Variants in CCDC38 observed in about 807,000 individuals in gnomAD.
CCDC38 encodes coiled-coil domain-containing protein 38.
Under a neutral mutation model 72.8 loss-of-function variants are expected in CCDC38, and 69 were observed. The ratio of observed to expected loss-of-function variants is 0.95; its 90% CI spans 0.78 to 1.16. CCDC38 has a LOEUF of 1.16. Among genes scored for constraint, CCDC38 ranks in the 50% most tolerant of loss-of-function variants. The pLI is 0.00. For missense variants in CCDC38, 626 were observed against 638.9 expected, an observed-to-expected ratio of 0.98 and a Z score of 0.22; for synonymous variants, 201 against 213.2, an observed-to-expected ratio of 0.94 and a Z score of 0.50.
chr12:95,900,191 CAA>C (rs1168449410), intron 5 of CCDC38, among the ~76,000 whole-genome samples: 2 of 152,142 alleles, frequency 1.3e-5, no homozygotes, highest in African/African-American at 4.8e-5. Flanking sequence ...CCAGGAACAG[CAA>C]AGAGACCACC....
At chr12:95,916,328 A>T (rs2080142860) in intron 4 of CCDC38, among the ~76,000 whole-genome samples, 2 of 151,896 alleles carry the variant, frequency 1.3e-5, no homozygotes, top group Admixed American at 1.3e-4. Context: ...ACAGTTTGAG[A>T]AAGTGCATGG....
chr12:95,942,961 C>G (rs1039976392), upstream of CCDC38: 2 of 156,524 alleles, frequency 1.3e-5, no homozygotes, highest in South Asian at 1.9e-4. Context: ...CCATGGCCCC[C>G]CTTCCGGGGC....
At chr12:95,868,754 G>T (rs2079550029) in intron 15 of CCDC38, among the ~76,000 whole-genome samples, 1 of 151,566 alleles carries the variant, frequency 6.6e-6, no homozygotes, top group Non-Finnish European at 1.5e-5. Flanking sequence ...TCCTTACCCT[G>T]TGTAGAATTG....
chr12:95,878,376 C>T (rs1221136055), intron 12 of CCDC38, 30 bp from the exon 13 acceptor site: 5 of 1,600,830 alleles, frequency 3.1e-6, no homozygotes, highest in Non-Finnish European at 4.3e-6. Context: ...AGACCCTCAT[C>T]TGAAATTTGT....
chr12:95,898,168 C>T (rs1458927781), intron 7 of CCDC38, among the ~76,000 whole-genome samples: 1 of 152,164 alleles, frequency 6.6e-6, no homozygotes, highest in East Asian at 1.9e-4. Flanking sequence ...TCTGTATCTA[C>T]AAGTTAGAGA....
intron 2 of CCDC38, chr12:95,935,272 G>A (rs1204486091): frequency 2.6e-5 from 4 of 152,510 alleles, no homozygotes; most frequent in Non-Finnish European, 5.9e-5. Flanking sequence ...TCTTCTATAG[G>A]AATAGAACCC....
At chr12:95,937,750 G>A (rs2080409017) in intron 1 of CCDC38, among the ~76,000 whole-genome samples, 1 of 152,076 alleles carries the variant, frequency 6.6e-6, no homozygotes, top group Non-Finnish European at 1.5e-5. Context: ...ATCTTGGTTT[G>A]GTATTTACTT....
chr12:95,912,425 G>A (rs2080103665), intron 4 of CCDC38, among the ~76,000 whole-genome samples: 1 of 152,114 alleles, frequency 6.6e-6, no homozygotes, highest in African/African-American at 2.4e-5. Context: ...CCTCATAGAA[G>A]TAGAGAGTAG....
chr12:95,938,875 C>A (rs2080420540), intron 1 of CCDC38, among the ~76,000 whole-genome samples: 2 of 152,170 alleles, frequency 1.3e-5, no homozygotes, highest in South Asian at 4.1e-4. Flanking sequence ...ATAGCAAATG[C>A]CTGAAAGTTC....
intron 2 of CCDC38, among the ~76,000 whole-genome samples, chr12:95,932,726 A>T (rs1320483580): frequency 2.6e-5 from 4 of 152,240 alleles, no homozygotes; most frequent in African/African-American, 9.6e-5. Context: ...ATTCACAGTA[A>T]TATAAGTACA....
chr12:95,901,589 C>G (rs1331094940), intron 5 of CCDC38, among the ~76,000 whole-genome samples: 1 of 152,068 alleles, frequency 6.6e-6, no homozygotes, highest in African/African-American at 2.4e-5. Context: ...AAGAGGAGAA[C>G]AAGCACATAA....
chr12:95,925,631 G>A (rs1419701294), intron 2 of CCDC38, among the ~76,000 whole-genome samples: 2 of 152,146 alleles, frequency 1.3e-5, no homozygotes, highest in Non-Finnish European at 2.9e-5. Flanking sequence ...TTTTCAAAGG[G>A]AATGCTTCCA....
At chr12:95,928,648 T>C (rs1273426826) in intron 2 of CCDC38, among the ~76,000 whole-genome samples, 1 of 152,166 alleles carries the variant, frequency 6.6e-6, no homozygotes, top group African/African-American at 2.4e-5. Flanking sequence ...TTCTGTTCTG[T>C]TTTTTCCCCA....
intron 5 of CCDC38, among the ~76,000 whole-genome samples, chr12:95,899,790 A>G (rs753183567): frequency 1.3e-5 from 2 of 152,198 alleles, no homozygotes; most frequent in African/African-American, 2.4e-5. Flanking sequence ...CTGAGTGCCT[A>G]CTGTGTGCCA....
At chr12:95,925,155 A>C (rs1355556062) in intron 2 of CCDC38, among the ~76,000 whole-genome samples, 6 of 152,018 alleles carry the variant, frequency 3.9e-5, no homozygotes, top group Non-Finnish European at 8.8e-5. Flanking sequence ...CACGATATTG[A>C]TTCTTCCTAT....
chr12:95,918,291 T>C (rs60364582), intron 3 of CCDC38, among the ~76,000 whole-genome samples: 28,884 of 152,114 alleles, frequency 0.19, 2,991 homozygotes, highest in African/African-American at 0.27. Context: ...CCCCCTCCTC[T>C]ACTTTCATCC....
intron 2 of CCDC38, chr12:95,935,598 C>A: frequency 4.3e-6 from 1 of 233,374 alleles, no homozygotes; most frequent in Admixed American, 4.8e-5. Context: ...TGCAGCCAAA[C>A]TTTTACATTG....
At position 95,880,650 on chromosome 12, in the gene CCDC38, T is replaced by C. The variant is rs1293527066; in HGVS notation, c.990+835A>G. ...CCTGGGCAACAAGAGTGAAACTCCATTTCAAAAAAAAAAAAAGGAAACAAA... is the reference window on the plus strand; with the variant it reads ...CCTGGGCAACAAGAGTGAAACTCCACTTCAAAAAAAAAAAAAGGAAACAAA... On this transcript the variant is annotated intron_variant, in intron 11 of 15. Transcript: ENST00000344280. 2.2e-5 allele frequency among the ~76,000 whole-genome samples: 3 copies of C among 138,892 alleles called. No individual in the cohort carries two copies. In the East Asian group the frequency reaches 5.9e-4, roughly 27 times the overall value. 91.1% of individuals were successfully genotyped at this position (138,892 alleles called of 152,430 possible).
At position 95,893,490 on chromosome 12, in the gene CCDC38, T is replaced by TTCTTTCTC. The variant is rs2079853700; in HGVS notation, c.772+1498_772+1499insGAGAAAGA. On this transcript the variant is annotated intron_variant, in intron 8 of 15. Transcript: ENST00000344280. ...TCTCTTTCTCTCTCTCTCTCTTTCT[T>TTCTTTCTC]TCTCTCTTTTTTGAGACAGGGTCTC... is the stretch of plus-strand genomic sequence containing the variant. Among the ~76,000 whole-genome samples, 3 of 144,936 alleles carry TTCTTTCTC rather than the reference T, an allele frequency of 2.1e-5. No homozygotes were observed. The South Asian group carries it at 7.1e-4, about 34-fold the overall frequency.
Sources: allele counts gnomAD v4.1 joint callset (sites outside exome capture counted in the v4.1 genomes callset), GRCh38; gene constraint gnomAD v4.1.1; transcripts MANE v1.5; gene names NCBI Gene and HGNC (gene_info 2026-07-23, HGNC 2026-07-21).